The following SKAP1 variants were observed in gnomAD, a reference collection of about 807,000 sequenced individuals.
SKAP1 encodes src kinase-associated phosphoprotein 1.
A neutral mutation model predicts 58.5 loss-of-function variants in SKAP1; 44 were observed. The ratio of observed to expected loss-of-function variants is 0.75; its 90% CI spans 0.59 to 0.97. SKAP1 has a LOEUF of 0.97. Among genes scored for constraint, SKAP1 ranks in the 50% least tolerant of loss-of-function variants. The pLI is 0.00. For synonymous variants in SKAP1, 127 were observed against 149.7 expected (o/e 0.85, Z 1.11); for missense variants, 390 against 435.2 (o/e 0.90, Z 0.92).
intron 7 of SKAP1, among the ~76,000 whole-genome samples, chr17:48,182,805 A>G (rs2064388094): frequency 1.3e-5 from 2 of 152,336 alleles, no homozygotes; most frequent in African/African-American, 4.8e-5. Flanking sequence ...CACTAAAAGG[A>G]GGCACATTTT....
intron 4 of SKAP1, among the ~76,000 whole-genome samples, chr17:48,221,358 CAAAA>C (rs1212848776): frequency 1.3e-5 from 2 of 152,086 alleles, no homozygotes; most frequent in Non-Finnish European, 2.9e-5. Context: ...AAAAAGTTGA[CAAAA>C]AACTATCAAA....
chr17:48,156,504 G>A lies in SKAP1; in HGVS notation c.978+5965C>T, dbSNP rs547972348. 3.2e-4 allele frequency: 167 copies of A among 524,736 alleles called. 1 individual carries two copies. Among genetic ancestry groups the A allele is most frequent in the South Asian group, 2.2e-3 (152 of 69,670 alleles). 32.5% of individuals were successfully genotyped at this position (524,736 alleles called of 1,614,324 possible). On this transcript the variant is annotated intron_variant, in intron 11 of 12. Coordinates refer to ENST00000336915, the MANE Select transcript of SKAP1 (RefSeq NM_003726.4). ...GTGGCTTGAGCTGCATCCTGGCTCC[G>A]GGGAGGAAGGGAAGTTTAGTCCCTC...
intron 4 of SKAP1, among the ~76,000 whole-genome samples, chr17:48,345,441 A>C (rs1391469585): frequency 6.6e-6 from 1 of 152,142 alleles, no homozygotes; most frequent in Admixed American, 6.5e-5. Flanking sequence ...GGTATGTGAG[A>C]AGTACAGGTG....
At chr17:48,357,129 G>A (rs1335039417) in intron 3 of SKAP1, among the ~76,000 whole-genome samples, 2 of 152,118 alleles carry the variant, frequency 1.3e-5, no homozygotes, top group African/African-American at 4.8e-5. Flanking sequence ...ATGCTATCAT[G>A]AACATCCTTG....
chr17:48,332,941 A>C (rs2066524643), intron 4 of SKAP1, among the ~76,000 whole-genome samples: 1 of 152,196 alleles, frequency 6.6e-6, no homozygotes, highest in Admixed American at 6.5e-5. Context: ...ATGAGTGATA[A>C]CATGGGTAAG....
chr17:48,324,261 A>G (rs1162953202), intron 4 of SKAP1, among the ~76,000 whole-genome samples: 1 of 152,088 alleles, frequency 6.6e-6, no homozygotes, highest in African/African-American at 2.4e-5. Context: ...CTATGATAAT[A>G]TGACTCTTCT....
chr17:48,394,380 C>T (rs893714848), intron 2 of SKAP1, among the ~76,000 whole-genome samples: 1 of 151,350 alleles, frequency 6.6e-6, no homozygotes, highest in Non-Finnish European at 1.5e-5. Flanking sequence ...CTCACTTGGT[C>T]GCCCAGGCTG....
intron 4 of SKAP1, among the ~76,000 whole-genome samples, chr17:48,252,827 T>C (rs1229055872): frequency 6.6e-6 from 1 of 152,054 alleles, no homozygotes; most frequent in Non-Finnish European, 1.5e-5. Context: ...TTGATTTATA[T>C]ACTGTACTTA....
intron 4 of SKAP1, among the ~76,000 whole-genome samples, chr17:48,240,026 AG>A (rs1353610730): frequency 2.0e-5 from 3 of 152,240 alleles, no homozygotes. Flanking sequence ...TCATGGATTC[AG>A]TTAGTAAAAT....
At chr17:48,407,105 T>C (rs1028135251) in intron 1 of SKAP1, among the ~76,000 whole-genome samples, 1 of 152,306 alleles carries the variant, frequency 6.6e-6, no homozygotes, top group African/African-American at 2.4e-5. Flanking sequence ...CTCCTACATA[T>C]ATTATGAGTC....
chr17:48,421,199 T>G (rs1038103610), intron 1 of SKAP1, among the ~76,000 whole-genome samples: 3 of 152,178 alleles, frequency 2.0e-5, no homozygotes, highest in African/African-American at 7.2e-5. Context: ...CCACGTTTTT[T>G]TAAATTTTAG....
chr17:48,342,819 AC>A (rs1007339657), intron 4 of SKAP1, among the ~76,000 whole-genome samples: 82 of 152,236 alleles, frequency 5.4e-4, no homozygotes, highest in African/African-American at 1.9e-3. Flanking sequence ...CCCCGTCTCT[AC>A]TAAAAATACA....
At chr17:48,144,794 G>C (rs1375484864) in intron 11 of SKAP1, among the ~76,000 whole-genome samples, 1 of 152,158 alleles carries the variant, frequency 6.6e-6, no homozygotes, top group Non-Finnish European at 1.5e-5. Flanking sequence ...TATAAAGTCT[G>C]ATTTCTCTTT....
intron 1 of SKAP1, among the ~76,000 whole-genome samples, chr17:48,412,803 A>G (rs1434636829): frequency 6.6e-6 from 1 of 152,158 alleles, no homozygotes; most frequent in Non-Finnish European, 1.5e-5. Flanking sequence ...TTATCCCCCA[A>G]TGATGTCACT....
intron 4 of SKAP1, among the ~76,000 whole-genome samples, chr17:48,243,141 T>TA (rs2065259537): frequency 1.3e-5 from 2 of 152,210 alleles, no homozygotes; most frequent in South Asian, 4.1e-4. Flanking sequence ...GGTAATCAGA[T>TA]ACAAACATTA....
At chr17:48,172,648 C>T (rs1364986479) in intron 9 of SKAP1, among the ~76,000 whole-genome samples, 1 of 152,140 alleles carries the variant, frequency 6.6e-6, no homozygotes, top group East Asian at 1.9e-4. Context: ...CATTTACTTT[C>T]CTTTCTCCTG....
At chr17:48,178,857 G>A (rs565411864) in intron 9 of SKAP1, among the ~76,000 whole-genome samples, 20 of 152,146 alleles carry the variant, frequency 1.3e-4, no homozygotes, top group African/African-American at 2.7e-4. Context: ...TGGAGAAGTC[G>A]GGACTGGTAG....
chr17:48,357,322 G>A (rs934321387), intron 3 of SKAP1, among the ~76,000 whole-genome samples: 2 of 152,084 alleles, frequency 1.3e-5, no homozygotes, highest in Admixed American at 1.3e-4. Flanking sequence ...AAAAAAGTGA[G>A]TCTTTTTGTT....
At chr17:48,326,788 C>T (rs944116860) in intron 4 of SKAP1, among the ~76,000 whole-genome samples, 1 of 151,946 alleles carries the variant, frequency 6.6e-6, no homozygotes, top group Non-Finnish European at 1.5e-5. Flanking sequence ...TTACAGAATA[C>T]TGGGAATTTA....
Sources: allele counts gnomAD v4.1 joint callset (sites outside exome capture counted in the v4.1 genomes callset), GRCh38; gene constraint gnomAD v4.1.1; transcripts MANE v1.5; gene names NCBI Gene and HGNC (gene_info 2026-07-23, HGNC 2026-07-21).